Variants in ZNF618 observed in about 807,000 individuals in gnomAD.
The protein encoded by ZNF618 is zinc finger protein 618, also known as neural precursor cell expressed, developmentally down-regulated 10.
In ZNF618, 34 loss-of-function variants were observed where a neutral mutation model predicts 103.0. That is an observed-to-expected ratio of 0.33 (90% CI 0.25 to 0.44). The LOEUF is 0.44. Among genes scored for constraint, ZNF618 ranks in the 20% least tolerant of loss-of-function variants. ZNF618 has a pLI of 1.00. For synonymous variants in ZNF618, 551 were observed against 542.2 expected, an observed-to-expected ratio of 1.02 and a Z score of -0.23; for missense variants, 1,059 against 1,295.4, an observed-to-expected ratio of 0.82 and a Z score of 2.80.
At chr9:113,883,873 T>C (rs1224660863) in intron 1 of ZNF618, among the ~76,000 whole-genome samples, 3 of 151,408 alleles carry the variant, frequency 2.0e-5, no homozygotes, top group African/African-American at 7.3e-5. Context: ...CGATGGTGCA[T>C]CTATCAGTTG....
At chr9:113,930,314 C>G (rs1833459357) in intron 1 of ZNF618, among the ~76,000 whole-genome samples, 1 of 152,188 alleles carries the variant, frequency 6.6e-6, no homozygotes, top group Non-Finnish European at 1.5e-5. Context: ...ATAAAACTTT[C>G]ATGTTGGGTT....
At chr9:114,048,436 A>G (rs954685007) in intron 14 of ZNF618, among the ~76,000 whole-genome samples, 1 of 152,194 alleles carries the variant, frequency 6.6e-6, no homozygotes, top group African/African-American at 2.4e-5. Context: ...ACTACATTCT[A>G]TTCCCATGCT....
At position 114,008,670 on chromosome 9, in the gene ZNF618, A is replaced by G. The variant is rs938114057; in HGVS notation, c.754+116A>G. ...TGGGTGGCATCACTTAACTGCAGCA[A>G]TGGTGCCCAACCTGTCAGTTGGGCC... On this transcript the variant is annotated intron_variant, in intron 9 of 14. Coordinates refer to ENST00000374126, the MANE Select transcript of ZNF618 (RefSeq NM_001318042.2). The G allele has an allele frequency of 1.2e-5, 14 of 1,203,556 alleles. No homozygotes were observed. The East Asian group carries it at 1.3e-4, about 11-fold the overall frequency. 74.6% of individuals were successfully genotyped at this position (1,203,556 alleles called of 1,614,324 possible). A position where few individuals can be genotyped will look rare whatever the true frequency, so the allele number is the denominator to read the frequency against.
chr9:114,015,090 T>G (rs530072645), intron 9 of ZNF618, among the ~76,000 whole-genome samples: 1 of 152,266 alleles, frequency 6.6e-6, no homozygotes, highest in African/African-American at 2.4e-5. Flanking sequence ...ATACAGTTGA[T>G]GTAATAACTG....
At position 113,876,350 on chromosome 9, in the gene ZNF618, G is replaced by C. The variant is rs995389827; in HGVS notation, c.-31G>C. The C allele has an allele frequency of 7.6e-6, 9 of 1,182,152 alleles. No individual in the cohort carries two copies. In the East Asian group the frequency reaches 1.5e-4, roughly 20 times the overall value. The allele number at this position is 1,182,152 out of a possible 1,614,324, so 73.2% of individuals were successfully genotyped here. On this transcript the variant is annotated 5_prime_UTR_variant, in exon 1 of 15. Transcript: ENST00000374126. ...CAGCCCGGCCCGGGAGGAGCAGGACGCGCCGGGGCCGCCTCCTCCCGCACG... is the reference window on the plus strand; with the variant it reads ...CAGCCCGGCCCGGGAGGAGCAGGACCCGCCGGGGCCGCCTCCTCCCGCACG...
At chr9:114,027,850 AC>A in intron 10 of ZNF618, 1 of 152,614 alleles carries the variant, frequency 6.6e-6, no homozygotes, top group East Asian at 1.9e-4. Flanking sequence ...TCTGGTCGGT[AC>A]CAAAGGGCCC....
intron 7 of ZNF618, among the ~76,000 whole-genome samples, chr9:114,007,898 G>T (rs1305078507): frequency 2.0e-5 from 3 of 152,164 alleles, no homozygotes; most frequent in African/African-American, 7.2e-5. Context: ...GGGCCTTAGG[G>T]GTTCCCCGTC....
At position 114,030,475 on chromosome 9, in the gene ZNF618, T is replaced by C. The variant is rs375876309; in HGVS notation, c.1084+1503T>C. On this transcript the variant is annotated intron_variant, in intron 11 of 14. Transcript: ENST00000374126. ...TGGGAGTTTTTATGCCTGCGGTTTC[T>C]GCAGAGGGCGGCCCACAGGGTGTGG... Among the ~76,000 whole-genome samples the C allele has an allele frequency of 3.0e-4, 45 of 152,364 alleles. 1 individual carries two copies. The East Asian group carries it at 7.7e-3, about 26-fold the overall frequency.
chr9:114,017,509 C>T (rs78244862), intron 10 of ZNF618, among the ~76,000 whole-genome samples: 13 of 152,184 alleles, frequency 8.5e-5, no homozygotes, highest in Non-Finnish European at 1.6e-4. Context: ...ATCCTCAGAT[C>T]CCCGAGTATA....
chr9:113,898,528 G>A (rs1263499770), intron 1 of ZNF618, among the ~76,000 whole-genome samples: 1 of 148,608 alleles, frequency 6.7e-6, no homozygotes, highest in African/African-American at 2.5e-5. Flanking sequence ...CTGGGCACAA[G>A]CAATCCTCCT....
chr9:113,932,781 G>C (rs1456295687), intron 1 of ZNF618, among the ~76,000 whole-genome samples: 1 of 152,124 alleles, frequency 6.6e-6, no homozygotes, highest in African/African-American at 2.4e-5. Flanking sequence ...TGGAGGTGTG[G>C]AATGGGAGCC....
At chr9:113,951,894 G>A (rs1238990725) in intron 1 of ZNF618, among the ~76,000 whole-genome samples, 2 of 151,944 alleles carry the variant, frequency 1.3e-5, no homozygotes, top group Non-Finnish European at 2.9e-5. Context: ...AGTTGCCACC[G>A]CAAAGCCTGG....
chr9:113,881,946 C>T (rs57751682), intron 1 of ZNF618, among the ~76,000 whole-genome samples: 1 of 152,316 alleles, frequency 6.6e-6, no homozygotes, highest in Non-Finnish European at 1.5e-5. Flanking sequence ...AGCCTGTGAG[C>T]TGTTGAAGTC....
At chr9:114,037,305 C>T (rs935229272) in intron 13 of ZNF618, among the ~76,000 whole-genome samples, 2 of 152,272 alleles carry the variant, frequency 1.3e-5, no homozygotes, top group South Asian at 4.1e-4. Flanking sequence ...AGCATCCTCT[C>T]TCTTTGTGGA....
At chr9:113,982,072 G>C (rs1255260126) in intron 2 of ZNF618, among the ~76,000 whole-genome samples, 2 of 152,174 alleles carry the variant, frequency 1.3e-5, no homozygotes, top group African/African-American at 4.8e-5. Context: ...ACATTGGCCT[G>C]GCCAGACACA....
intron 1 of ZNF618, among the ~76,000 whole-genome samples, chr9:113,884,173 G>A (rs147586686): frequency 2.8e-3 from 433 of 152,238 alleles, no homozygotes; most frequent in Admixed American, 6.0e-3. Flanking sequence ...TGGGGGAGGG[G>A]GGTCTCTTCA....
At chr9:114,028,688 G>T in intron 10 of ZNF618, 45 bp from the exon 11 acceptor site, 3 of 1,526,790 alleles carry the variant, frequency 2.0e-6, no homozygotes, top group Non-Finnish European at 2.6e-6. Context: ...CACTCACTCT[G>T]CCGGCTGGGA....
rs897716897 is a variant in ZNF618 at position 114,029,024 on chromosome 9, C to T, written c.1084+52C>T. On this transcript the variant is annotated intron_variant, in intron 11 of 14. Coordinates refer to ENST00000374126, the MANE Select transcript of ZNF618 (RefSeq NM_001318042.2). ...ACTTTCTCCCCCACTGCCCTTCTCA[C>T]CACCTGCCACAGCTGTGCCTGGGGT... 2.0e-6 allele frequency: 3 copies of T among 1,519,646 alleles called. No homozygotes were observed. In the Admixed American group the frequency reaches 6.0e-5, roughly 30 times the overall value. 94.1% of individuals were successfully genotyped at this position (1,519,646 alleles called of 1,614,324 possible).
intron 3 of ZNF618, among the ~76,000 whole-genome samples, chr9:113,991,297 C>T (rs528544271): frequency 7.9e-5 from 12 of 152,316 alleles, no homozygotes; most frequent in Admixed American, 4.6e-4. Context: ...GCCCCTGTCC[C>T]GGCCACCTCA....
Sources: gnomAD v4.1 joint callset for allele counts (sites outside exome capture counted in the v4.1 genomes callset) on GRCh38, gnomAD v4.1.1 for gene constraint, MANE v1.5 for transcripts, NCBI Gene and HGNC (gene_info 2026-07-23, HGNC 2026-07-21) for gene names.